ZFAND3: variants seen among roughly 807,000 people sequenced by gnomAD.
ZFAND3 encodes AN1-type zinc finger protein 3.
Under a neutral mutation model 29.6 loss-of-function variants are expected in ZFAND3, and 10 were observed. That is an observed-to-expected ratio of 0.34 (90% confidence interval 0.21 to 0.57). The LOEUF is 0.57. Among genes scored for constraint, ZFAND3 ranks in the 20% least tolerant of loss-of-function variants. The pLI is 0.86. For missense variants in ZFAND3, 230 were observed against 304.5 expected, an observed-to-expected ratio of 0.76 and a Z score of 1.82; for synonymous variants, 128 against 112.6, an observed-to-expected ratio of 1.14 and a Z score of -0.87.
At chr6:37,883,984 A>G (rs985663694) in intron 1 of ZFAND3, among the ~76,000 whole-genome samples, 1 of 145,388 alleles carries the variant, frequency 6.9e-6, no homozygotes, top group African/African-American at 2.8e-5. Flanking sequence ...GAAAACTTGG[A>G]TGACCAAGAG....
chr6:37,986,710 A>G (rs1762677373), intron 2 of ZFAND3, among the ~76,000 whole-genome samples: 1 of 152,148 alleles, frequency 6.6e-6, no homozygotes, highest in Non-Finnish European at 1.5e-5. Flanking sequence ...GGAAAGTTTA[A>G]TCATTATAGC....
At chr6:37,907,053 A>G (rs1278353261) in intron 1 of ZFAND3, among the ~76,000 whole-genome samples, 3 of 151,100 alleles carry the variant, frequency 2.0e-5, no homozygotes, top group African/African-American at 4.9e-5. Flanking sequence ...CTTTTAATGT[A>G]TTTTTTTTTG....
chr6:38,060,073 A>G (rs963521000), intron 2 of ZFAND3, among the ~76,000 whole-genome samples: 3 of 152,116 alleles, frequency 2.0e-5, no homozygotes, highest in Non-Finnish European at 4.4e-5. Context: ...CCCTGCTTAT[A>G]TGAAGCTTTT....
chr6:37,998,182 C>T (rs999128930), intron 2 of ZFAND3, among the ~76,000 whole-genome samples: 4 of 152,142 alleles, frequency 2.6e-5, no homozygotes, highest in African/African-American at 9.7e-5. Context: ...ATGCAAATTA[C>T]AAAGTGGAAC....
At position 37,841,441 on chromosome 6, in the gene ZFAND3, A is replaced by G. The variant is rs150338697; in HGVS notation, c.71+21425A>G. Among the ~76,000 whole-genome samples the G allele has an allele frequency of 6.7e-3, 1,015 of 152,258 alleles. 5 individuals are homozygous for G. The highest frequency in any genetic ancestry group is 0.023 in the African/African-American group (939 of 41,556). ...TTTACCCTTCTGTACTTCAGCATGC[A>G]TATCATTAACTAGAGTTTAACATTT... On this transcript the variant is annotated intron_variant, in intron 1 of 5. Coordinates refer to ENST00000287218, the MANE Select transcript of ZFAND3 (RefSeq NM_021943.3).
chr6:38,053,346 A>G (rs1581876051), intron 2 of ZFAND3, among the ~76,000 whole-genome samples: 1 of 147,616 alleles, frequency 6.8e-6, no homozygotes, highest in East Asian at 2.0e-4. Context: ...CTTTGTGGAG[A>G]GTAGATCAGA....
At chr6:38,113,118 A>G (rs1040351218) in intron 4 of ZFAND3, among the ~76,000 whole-genome samples, 3 of 152,140 alleles carry the variant, frequency 2.0e-5, no homozygotes, top group African/African-American at 7.2e-5. Flanking sequence ...CAGAGCTTCA[A>G]AGGTGTGGAT....
At chr6:37,895,973 G>A (rs35953900) in intron 1 of ZFAND3, among the ~76,000 whole-genome samples, 19,797 of 152,088 alleles carry the variant, frequency 0.13, 2,097 homozygotes, top group African/African-American at 0.3. Flanking sequence ...ATGGGAACAC[G>A]CACTATTCTA....
At chr6:37,875,394 T>C (rs1764772848) in intron 1 of ZFAND3, among the ~76,000 whole-genome samples, 1 of 152,208 alleles carries the variant, frequency 6.6e-6, no homozygotes, top group Non-Finnish European at 1.5e-5. Flanking sequence ...AACTTAATTT[T>C]AGTACATGAT....
At chr6:38,132,866 C>T (rs1026237080) in intron 5 of ZFAND3, among the ~76,000 whole-genome samples, 1 of 152,236 alleles carries the variant, frequency 6.6e-6, no homozygotes, top group Non-Finnish European at 1.5e-5. Flanking sequence ...TTCCCCCTCA[C>T]TCTGCCCTCC....
intron 1 of ZFAND3, among the ~76,000 whole-genome samples, chr6:37,879,003 A>G (rs948089284): frequency 6.6e-6 from 1 of 152,218 alleles, no homozygotes; most frequent in African/African-American, 2.4e-5. Context: ...GCCAGGGTCA[A>G]ATATCCTTCT....
chr6:37,874,238 G>A (rs548908604), intron 1 of ZFAND3, among the ~76,000 whole-genome samples: 17 of 152,078 alleles, frequency 1.1e-4, no homozygotes, highest in South Asian at 6.2e-4. Flanking sequence ...CTTTTTGGCC[G>A]GACGTGGTGG....
chr6:37,985,499 C>CCACACACACA (rs5875607), intron 2 of ZFAND3, among the ~76,000 whole-genome samples: 2,181 of 141,662 alleles, frequency 0.015, 31 homozygotes, highest in African/African-American at 0.04. Context: ...GCTTGTGGTT[C>CCACACACACA]CACACACACA....
At chr6:37,902,265 A>G (rs189164436) in intron 1 of ZFAND3, among the ~76,000 whole-genome samples, 4 of 152,282 alleles carry the variant, frequency 2.6e-5, no homozygotes, top group East Asian at 3.9e-4. Context: ...CCGAGGCAAC[A>G]TGGTGAAACA....
chr6:38,022,603 C>T (rs1763372506), intron 2 of ZFAND3, among the ~76,000 whole-genome samples: 2 of 152,176 alleles, frequency 1.3e-5, no homozygotes, highest in Admixed American at 1.3e-4. Flanking sequence ...CTCCATTTTT[C>T]AAATGAGGAA....
chr6:37,845,427 G>C (rs1338308211), intron 1 of ZFAND3, among the ~76,000 whole-genome samples: 3 of 152,070 alleles, frequency 2.0e-5, no homozygotes, highest in Non-Finnish European at 4.4e-5. Context: ...TTGGCAGAAG[G>C]GTAAACATAA....
At chr6:37,919,080 A>G (rs1221026334) in intron 1 of ZFAND3, among the ~76,000 whole-genome samples, 2 of 150,472 alleles carry the variant, frequency 1.3e-5, no homozygotes, top group East Asian at 3.9e-4. Context: ...CAGCCTCCCG[A>G]GTAGCTGGGA....
chr6:37,968,247 A>G (rs747073040), intron 2 of ZFAND3, among the ~76,000 whole-genome samples: 4 of 152,132 alleles, frequency 2.6e-5, no homozygotes, highest in Non-Finnish European at 4.4e-5. Context: ...AGAATGAGAT[A>G]CGTTCCTGGG....
chr6:38,109,030 G>A (rs1021518117), intron 4 of ZFAND3, among the ~76,000 whole-genome samples: 1 of 151,772 alleles, frequency 6.6e-6, no homozygotes, highest in African/African-American at 2.4e-5. Flanking sequence ...ACAAACCAAG[G>A]GTGTCCTCTC....
Sources: gnomAD v4.1 joint callset for allele counts (sites outside exome capture counted in the v4.1 genomes callset) on GRCh38, gnomAD v4.1.1 for gene constraint, MANE v1.5 for transcripts, NCBI Gene and HGNC (gene_info 2026-07-23, HGNC 2026-07-21) for gene names.